SLC12A3: variants seen among roughly 807,000 people sequenced by gnomAD.
SLC12A3 encodes solute carrier family 12 member 3.
A neutral mutation model predicts 121.0 loss-of-function variants in SLC12A3; 104 were observed. The observed-to-expected ratio is 0.86, with a 90% CI of 0.73 to 1.01. The LOEUF is 1.01. Ranked by LOEUF, SLC12A3 falls within the 50% of genes least tolerant of loss-of-function variation. The pLI is 0.00. For synonymous variants in SLC12A3, 536 were observed against 533.4 expected (o/e 1.00, Z -0.07); for missense variants, 1,328 against 1,356.3 (o/e 0.98, Z 0.33).
chr16:56,879,678 CAG>C (rs752763667), intron 11 of SLC12A3, 29 bp downstream of exon 11: 11 of 1,553,772 alleles, frequency 7.1e-6, no homozygotes, highest in East Asian at 2.2e-5. Flanking sequence ...GTCGAGATGA[CAG>C]GGGGTGGGGA....
At chr16:56,901,805 G>C (rs1474555544) in intron 23 of SLC12A3, among the ~76,000 whole-genome samples, 1 of 152,170 alleles carries the variant, frequency 6.6e-6, no homozygotes, top group Non-Finnish European at 1.5e-5. Flanking sequence ...CCTTGCTCCA[G>C]CACACAGGAT....
chr16:56,902,715 G>A (rs1183537282), intron 24 of SLC12A3, among the ~76,000 whole-genome samples: 1 of 152,226 alleles, frequency 6.6e-6, no homozygotes, highest in Admixed American at 6.5e-5. Context: ...TGGGAGCCTG[G>A]TCCTCCTGCC....
intron 21 of SLC12A3, 60 bp downstream of exon 21, chr16:56,893,114 C>A: frequency 6.2e-6 from 8 of 1,297,300 alleles, no homozygotes; most frequent in Non-Finnish European, 8.8e-6. Flanking sequence ...TGGTGGTCTT[C>A]CTTCCTTCTC....
Position 56,869,834 on chromosome 16 carries a change from C to G in SLC12A3, c.601+10C>G, listed in dbSNP as rs1321027443. The G allele has an allele frequency of 6.2e-7, 1 of 1,611,312 alleles. No homozygotes were observed. The highest frequency in any genetic ancestry group is 1.3e-5 in the African/African-American group (1 of 74,892). ...GGCAAGGTCAAGTCAGGTGGGCCATCCCCCTTTCCACCAAGGCCCTCCTCT... is the reference window on the plus strand; with the variant it reads ...GGCAAGGTCAAGTCAGGTGGGCCATGCCCCTTTCCACCAAGGCCCTCCTCT... On this transcript the variant is annotated intron_variant, in intron 4 of 25. Coordinates refer to ENST00000563236, the MANE Select transcript of SLC12A3 (RefSeq NM_001126108.2).
chr16:56,879,649 G>C lies in SLC12A3; in HGVS notation c.1443G>C (p.Gln481His), dbSNP rs1348939837. The change falls in exon 11 of 26, where the codon CAG becomes CAC. Residue 481 changes from glutamine (Q) to histidine (H), a missense_variant and splice_region_variant. Physicochemically the swap from Gln to His is conservative, Grantham distance 24. Transcript: ENST00000563236. ...ACLVSAAKVF[Q>H]CLCEDQLYPL... ...TTGTCTCTGCTGCCAAAGTCTTCCA[G>C]GTGAGGCCGCAGAAAGGGGTCGAGA... 1.9e-6 allele frequency: 3 copies of C among 1,610,570 alleles called. No individual in the cohort carries two copies. In the African/African-American group the frequency reaches 4.0e-5, roughly 22 times the overall value.
intron 4 of SLC12A3, 41 bp downstream of exon 4, chr16:56,869,865 G>T: frequency 1.3e-6 from 2 of 1,563,898 alleles, no homozygotes; most frequent in Non-Finnish European, 1.8e-6. Flanking sequence ...CCTCTCGTGG[G>T]CTCCTAATCC....
chr16:56,872,418 C>T lies in SLC12A3; in HGVS notation c.920C>T (p.Pro307Leu). Residue 307 changes from proline to leucine, a missense_variant, in exon 7 of 26, where the codon CCC becomes CTC. Physicochemically the swap from Pro to Leu is moderately conservative, Grantham distance 98 (BLOSUM62 -3). Transcript: ENST00000563236. ...AACTATTTAGTGGGGACGCTGATCC[C>T]CCCATCTGAGGACAAGGCCTCCAAA... ...FANYLVGTLI[P>L]PSEDKASKGF... 6.2e-7 allele frequency: 1 copy of T among 1,614,148 alleles called. No individual in the cohort carries two copies. Among genetic ancestry groups the T allele is most frequent in the African/African-American group, 1.3e-5 (1 of 75,060 alleles).
intron 3 of SLC12A3, among the ~76,000 whole-genome samples, chr16:56,868,657 G>A (rs1295949601): frequency 6.6e-6 from 1 of 152,152 alleles, no homozygotes; most frequent in Non-Finnish European, 1.5e-5. Context: ...ACCTCAAAGC[G>A]TGCAGGTTAG....
intron 18 of SLC12A3, 71 bp from the exon 19 acceptor site, chr16:56,890,203 C>T (rs2055369466): frequency 8.6e-7 from 1 of 1,162,896 alleles, no homozygotes; most frequent in Non-Finnish European, 1.3e-6. Flanking sequence ...GATATCTGGT[C>T]TCCTGGGTGC....
intron 25 of SLC12A3, chr16:56,904,910 C>A: frequency 3.3e-6 from 1 of 300,032 alleles, no homozygotes; most frequent in Non-Finnish European, 6.6e-6. Flanking sequence ...CCTGGCTGTT[C>A]CTACTGGACC....
At chr16:56,878,212 C>A in intron 9 of SLC12A3, 51 bp downstream of exon 9, 1 of 1,363,970 alleles carries the variant, frequency 7.3e-7, no homozygotes, top group Non-Finnish European at 1.0e-6. Context: ...GGCCTCCACC[C>A]TGCAGTGTCC....
chr16:56,872,227 G>T, intron 6 of SLC12A3, 124 bp from the exon 7 acceptor site: 1 of 712,036 alleles, frequency 1.4e-6, no homozygotes, highest in Middle Eastern at 2.6e-4. Context: ...CTGCATAATG[G>T]GTGTTGAATG....
rs1230577910 is a variant in SLC12A3, at chr16:56,872,802, GC to G, written c.1095+20del. ...TGACCTCAAGGTGAGCAGAATACTT[GC>G]CCCTCCTGTGTCCTGGCACTGCACA... On this transcript the variant is annotated intron_variant, in intron 8 of 25. Transcript: ENST00000563236. 6.2e-7 allele frequency: 1 copy of G among 1,613,920 alleles called. No individual in the cohort carries two copies. The highest frequency in any genetic ancestry group is 1.3e-5 in the African/African-American group (1 of 74,956).
rs1373293602 is a variant in SLC12A3 at position 56,892,940 on chromosome 16, C to T, written c.2420-13C>T. 1 of 1,611,874 alleles carries T rather than the reference C, an allele frequency of 6.2e-7. No homozygotes were observed. On this transcript the variant is annotated splice_polypyrimidine_tract_variant and intron_variant, in intron 20 of 25. Transcript: ENST00000563236. ...CTGCTGGCTCTGCTCTGACCCGCCCCCACCTCCTGCAGTGGACCCCAAGGC... is the reference window on the plus strand; with the variant it reads ...CTGCTGGCTCTGCTCTGACCCGCCCTCACCTCCTGCAGTGGACCCCAAGGC...
chr16:56,895,645 T>A (rs76361196), intron 22 of SLC12A3, among the ~76,000 whole-genome samples: 16,301 of 152,060 alleles, frequency 0.11, 972 homozygotes, highest in Middle Eastern at 0.17. Flanking sequence ...CCCAACCTTT[T>A]TGGCACCAGG....
At chr16:56,866,496 C>T (rs1964359887) in intron 1 of SLC12A3, among the ~76,000 whole-genome samples, 1 of 152,162 alleles carries the variant, frequency 6.6e-6, no homozygotes, top group South Asian at 2.1e-4. Flanking sequence ...CCCAGCCCTC[C>T]AGGGACCAAC....
chr16:56,913,289 A>C lies in SLC12A3; in HGVS notation c.2950A>C (p.Lys984Gln), dbSNP rs1392697420. ...CACTTTGCCCATAGGGAGGAAGGGG[A>C]AGTGCCCCAGCTCGCTGTACATGGC... ...VITLPIGRKG[K>Q]CPSSLYMAWL... Residue 984 changes from lysine (K) to glutamine (Q), a missense_variant, in exon 26 of 26, where the codon AAG becomes CAG. Transcript: ENST00000563236. 1 of 1,614,090 alleles carries C rather than the reference A, an allele frequency of 6.2e-7. No homozygotes were observed.
chr16:56,886,414 T>A lies in SLC12A3; in HGVS notation c.1976T>A (p.Val659Glu). 1 of 1,614,052 alleles carries A rather than the reference T, an allele frequency of 6.2e-7. No individual in the cohort carries two copies. The highest frequency in any genetic ancestry group is 8.5e-7 in the Non-Finnish European group (1 of 1,180,020). ...TGPPNFRPALVDFVGTFTRNL... is the reference protein window; with the variant it reads ...TGPPNFRPALEDFVGTFTRNL... ...CCCCCCAACTTCCGCCCGGCCCTGG[T>A]GGACTTTGTGGGCACCTTCACCCGG... The change falls in exon 16 of 26, where the codon GTG becomes GAG. Residue 659 changes from valine (V) to glutamate (E), a missense_variant. Physicochemically the swap from Val to Glu is moderately radical, Grantham distance 121. Transcript: ENST00000563236.
At chr16:56,909,242 C>T (rs958014957) in intron 25 of SLC12A3, among the ~76,000 whole-genome samples, 6 of 150,646 alleles carry the variant, frequency 4.0e-5, no homozygotes, top group African/African-American at 1.5e-4. Flanking sequence ...AAGGATTGAT[C>T]GAGCCCAGGA....
Sources: allele counts gnomAD v4.1 joint callset (sites outside exome capture counted in the v4.1 genomes callset), GRCh38; gene constraint gnomAD v4.1.1; transcripts MANE v1.5; gene names NCBI Gene and HGNC (gene_info 2026-07-23, HGNC 2026-07-21).